Variants in MGAM2 observed in about 807,000 individuals in gnomAD.
The protein encoded by MGAM2 is probable maltase-glucoamylase 2.
Under a neutral mutation model 96.1 loss-of-function variants are expected in MGAM2, and 98 were observed. That is an observed-to-expected ratio of 1.02 (90% CI 0.87 to 1.21). The LOEUF is 1.21. MGAM2 is among the 50% of genes most tolerant of loss of function. The pLI is 0.00. For synonymous variants in MGAM2, 749 were observed against 414.8 expected (o/e 1.81, Z -9.79); for missense variants, 2,055 against 1,182.4 (o/e 1.74, Z -10.82).
Position 142,172,762 on chromosome 7 carries a change from G to A in MGAM2, c.3559G>A (p.Glu1187Lys), listed in dbSNP as rs1470156478. The A allele has an allele frequency of 2.0e-5, 14 of 698,008 alleles. No homozygotes were observed. Among genetic ancestry groups the A allele is most frequent in the Non-Finnish European group, 3.1e-5 (12 of 383,630 alleles). The allele number at this position is 698,008 out of a possible 1,614,324, so 43.2% of individuals were successfully genotyped here. A position where few individuals can be genotyped will look rare whatever the true frequency, so the allele number is the denominator to read the frequency against. The change falls in exon 30 of 48, where the codon GAG becomes AAG. Residue 1187 changes from glutamate (E) to lysine (K), a missense_variant and splice_region_variant. Glu to Lys is a moderately conservative substitution (Grantham distance 56). Coordinates refer to ENST00000477922, the MANE Select transcript of MGAM2 (RefSeq NM_001293626.2). ...TGAACTTGTAACTCAGCAATACACA[G>A]AGGTTAGAAGCCATTCTGTCCATCA... The part of the protein sequence containing the change: ...TPELVTQQYT[E>K]LIGRPAMIPY...
intron 10 of MGAM2, among the ~76,000 whole-genome samples, chr7:142,140,216 A>G (rs1206082599): frequency 6.6e-6 from 1 of 152,184 alleles, no homozygotes; most frequent in Admixed American, 6.5e-5. Context: ...ATTTTGGGAA[A>G]TGTCACTGAA....
Position 142,141,056 on chromosome 7 carries a change from C to G in MGAM2, c.1254C>G (p.Pro418=), listed in dbSNP as rs1008816890. The G allele has an allele frequency of 8.6e-6, 6 of 701,714 alleles. No homozygotes were observed. In the Admixed American group the frequency reaches 1.2e-4, roughly 14 times the overall value. The allele number at this position is 701,714 out of a possible 1,614,324, so 43.5% of individuals were successfully genotyped here. ...TCTCCAAAAACTCTAACTACGAGCCCTATAATAATGGAAGCCTAAAGAGAG... is the reference window on the plus strand; with the variant it reads ...TCTCCAAAAACTCTAACTACGAGCCGTATAATAATGGAAGCCTAAAGAGAG... ...PGISKNSNYE[P]YNNGSLKRVW... is the part of the protein sequence containing the mutation. The change falls in exon 12 of 48, where the codon CCC becomes CCG. Residue 418 remains proline (P), a synonymous_variant. Coordinates refer to ENST00000477922, the MANE Select transcript of MGAM2 (RefSeq NM_001293626.2).
rs569324825 is a variant in MGAM2, at chr7:142,179,683, C to A, written c.3817-3583C>A. On this transcript the variant is annotated intron_variant, in intron 32 of 47. Coordinates refer to ENST00000477922, the MANE Select transcript of MGAM2 (RefSeq NM_001293626.2). ...TATTGATTTGCCTATGTTGAGCCAACCTTGCGTCTCAGGGTTATGGAGGAA... is the reference window on the plus strand; with the variant it reads ...TATTGATTTGCCTATGTTGAGCCAAACTTGCGTCTCAGGGTTATGGAGGAA... 4.6e-5 allele frequency among the ~76,000 whole-genome samples: 7 copies of A among 152,244 alleles called. No individual in the cohort carries two copies. The South Asian group carries it at 1.4e-3, about 32-fold the overall frequency.
At chr7:142,191,089 G>A (rs1368402142) in intron 37 of MGAM2, among the ~76,000 whole-genome samples, 1 of 151,834 alleles carries the variant, frequency 6.6e-6, no homozygotes, top group Non-Finnish European at 1.5e-5. Flanking sequence ...GAACTATGAT[G>A]GCACTGCACT....
At chr7:142,125,051 T>A (rs1334141989) in intron 3 of MGAM2, among the ~76,000 whole-genome samples, 1 of 152,182 alleles carries the variant, frequency 6.6e-6, no homozygotes, top group African/African-American at 2.4e-5. Context: ...GTTACAAGAT[T>A]CTCTTTTCTT....
intron 32 of MGAM2, among the ~76,000 whole-genome samples, chr7:142,180,988 A>T (rs1796523156): frequency 6.6e-6 from 1 of 152,106 alleles, no homozygotes; most frequent in African/African-American, 2.4e-5. Context: ...ATTCTCCTGA[A>T]TCTTGTTGAG....
At chr7:142,165,237 C>T (rs1041864308) in intron 24 of MGAM2, among the ~76,000 whole-genome samples, 3 of 152,100 alleles carry the variant, frequency 2.0e-5, no homozygotes, top group Admixed American at 1.3e-4. Flanking sequence ...TAGCGGGAGT[C>T]GGAACCCCGA....
chr7:142,126,347 T>A (rs1358923201), intron 3 of MGAM2, among the ~76,000 whole-genome samples: 1 of 152,072 alleles, frequency 6.6e-6, no homozygotes, highest in Non-Finnish European at 1.5e-5. Context: ...CTTGTTTATT[T>A]GGACTGTCCT....
chr7:142,114,026 G>A (rs1817267470), intron 1 of MGAM2, among the ~76,000 whole-genome samples: 1 of 151,728 alleles, frequency 6.6e-6, no homozygotes, highest in South Asian at 2.1e-4. Context: ...AGCTACTCGC[G>A]GGGCTGAGGC....
rs761592984 is a variant in MGAM2, at chr7:142,197,511, G to T, written c.4744G>T (p.Val1582Phe). Residue 1582 changes from valine (V) to phenylalanine (F), a missense_variant, in exon 41 of 48, where the codon GTT becomes TTT. Transcript: ENST00000477922. ...YLYTLMHKAH[V>F]EGSTVVRPLL... ...CTATACTCTGATGCATAAAGCTCAC[G>T]TTGAGGGCAGCACAGTTGTCCGGCC... The T allele has an allele frequency of 1.0e-5, 7 of 703,136 alleles. No homozygotes were observed. Among genetic ancestry groups the T allele is most frequent in the South Asian group, 7.4e-5 (5 of 67,598 alleles). 43.6% of individuals were successfully genotyped at this position (703,136 alleles called of 1,614,324 possible).
intron 29 of MGAM2, among the ~76,000 whole-genome samples, 200 bp downstream of exon 29, chr7:142,172,394 A>G (rs1417551166): frequency 6.6e-6 from 1 of 151,828 alleles, no homozygotes; most frequent in African/African-American, 2.4e-5. Flanking sequence ...TTGATCAGTT[A>G]TGGCTCCTAC....
At chr7:142,156,904 A>G (rs1795752126) in intron 17 of MGAM2, among the ~76,000 whole-genome samples, 1 of 152,230 alleles carries the variant, frequency 6.6e-6, no homozygotes, top group Non-Finnish European at 1.5e-5. Context: ...AATGCCGACC[A>G]TTGACGGAAA....
intron 3 of MGAM2, among the ~76,000 whole-genome samples, chr7:142,124,023 A>G (rs990937339): frequency 3.2e-5 from 4 of 123,132 alleles, no homozygotes; most frequent in African/African-American, 1.3e-4. Context: ...CCCAGGCTGG[A>G]GCGCAGAGGC....
At chr7:142,215,301 G>A (rs1423193739) in intron 46 of MGAM2, among the ~76,000 whole-genome samples, 1 of 152,016 alleles carries the variant, frequency 6.6e-6, no homozygotes, top group African/African-American at 2.4e-5. Flanking sequence ...GGGCCTGTTG[G>A]GGGTGGAGGG....
chr7:142,217,437 G>A (rs1421971876), intron 46 of MGAM2, among the ~76,000 whole-genome samples: 2 of 152,132 alleles, frequency 1.3e-5, no homozygotes, highest in Admixed American at 1.3e-4. Context: ...CTCTAAGATA[G>A]CAATAATGAT....
Position 142,154,021 on chromosome 7 carries a change from C to G in MGAM2, c.1638C>G (p.Ala546=). The change falls in exon 16 of 48, where the codon GCC becomes GCG. Residue 546 remains alanine (A), a synonymous_variant. Coordinates refer to ENST00000477922, the MANE Select transcript of MGAM2 (RefSeq NM_001293626.2). ...CACTGGATGTATTCCTTTCCAGAGCCCTGGAGACCATCTTCATGAATAATA... is the reference window on the plus strand; with the variant it reads ...CACTGGATGTATTCCTTTCCAGAGCGCTGGAGACCATCTTCATGAATAATA... The part of the protein sequence containing the change: ...GHSMARTTNL[A]LETIFMNNRS... 1.5e-6 allele frequency: 1 copy of G among 667,372 alleles called. No individual in the cohort carries two copies. The highest frequency in any genetic ancestry group is 2.8e-6 in the Non-Finnish European group (1 of 360,284). The allele number at this position is 667,372 out of a possible 1,614,324, so 41.3% of individuals were successfully genotyped here.
intron 44 of MGAM2, among the ~76,000 whole-genome samples, chr7:142,199,209 T>C (rs909824491): frequency 1.3e-5 from 2 of 152,162 alleles, no homozygotes; most frequent in African/African-American, 2.4e-5. Context: ...ACACATATAA[T>C]ATGTAAAAAT....
At chr7:142,187,279 A>C (rs2073894013) in intron 35 of MGAM2, among the ~76,000 whole-genome samples, 1 of 152,250 alleles carries the variant, frequency 6.6e-6, no homozygotes, top group African/African-American at 2.4e-5. Flanking sequence ...TATCAGAATT[A>C]GTCCAAGCAA....
intron 24 of MGAM2, 29 bp downstream of exon 24, chr7:142,165,052 C>G (rs1393165395): frequency 3.0e-6 from 2 of 670,634 alleles, no homozygotes; most frequent in East Asian, 5.5e-5. Context: ...CTGCAGGGCC[C>G]TTTCCAGAGG....
Sources: allele counts gnomAD v4.1 joint callset (sites outside exome capture counted in the v4.1 genomes callset), GRCh38; gene constraint gnomAD v4.1.1; transcripts MANE v1.5; gene names NCBI Gene and HGNC (gene_info 2026-07-23, HGNC 2026-07-21).